CSMD3: variants seen among roughly 807,000 people sequenced by gnomAD.
CSMD3 encodes CUB and Sushi multiple domains 3.
Under a neutral mutation model 435.2 loss-of-function variants are expected in CSMD3, and 177 were observed. The ratio of observed to expected loss-of-function variants is 0.41; its 90% confidence interval spans 0.36 to 0.46. The LOEUF is 0.46. Ranked by LOEUF, CSMD3 falls within the 20% of genes least tolerant of loss-of-function variation. The pLI, the probability that CSMD3 is intolerant of heterozygous loss-of-function variation, is 0.34. For missense variants in CSMD3, 4,265 were observed against 4,504.6 expected (o/e 0.95, Z 1.52); for synonymous variants, 1,656 against 1,520.5 (o/e 1.09, Z -2.07).
rs1461001011 is a variant in CSMD3, at chr8:113,195,822, C to T, written c.515-21906G>A. The stretch of plus-strand genomic sequence containing the variant: ...ATATATATATATATATATACACACA[C>T]ACACACACACACACACACCCCCACA... On this transcript the variant is annotated intron_variant, in intron 3 of 70. Coordinates refer to ENST00000297405, the MANE Select transcript of CSMD3 (RefSeq NM_198123.2). 3.4e-4 allele frequency among the ~76,000 whole-genome samples: 47 copies of T among 140,018 alleles called. 1 individual carries two copies. Among genetic ancestry groups the T allele is most frequent in the African/African-American group, 1.1e-3 (39 of 36,120 alleles). 91.9% of individuals were successfully genotyped at this position (140,018 alleles called of 152,430 possible).
intron 65 of CSMD3, 118 bp from the exon 66 acceptor site, chr8:112,241,903 C>T (rs1814205578): frequency 2.6e-6 from 2 of 775,194 alleles, no homozygotes; most frequent in Non-Finnish European, 4.7e-6. Context: ...TATTCTCTGA[C>T]ATTTCACATA....
At chr8:112,851,034 T>C (rs2080468546) in intron 11 of CSMD3, among the ~76,000 whole-genome samples, 1 of 152,220 alleles carries the variant, frequency 6.6e-6, no homozygotes, top group Admixed American at 6.5e-5. Context: ...CTTGTGTAGT[T>C]ATTACTTTTG....
intron 28 of CSMD3, among the ~76,000 whole-genome samples, chr8:112,509,287 C>T (rs1319974121): frequency 6.6e-6 from 1 of 152,038 alleles, no homozygotes; most frequent in South Asian, 2.1e-4. Context: ...CAGAGTTTTG[C>T]CATGTTGCCC....
At chr8:112,678,686 T>C (rs2075819713) in intron 16 of CSMD3, among the ~76,000 whole-genome samples, 1 of 146,990 alleles carries the variant, frequency 6.8e-6, no homozygotes, top group Non-Finnish European at 1.5e-5. Flanking sequence ...TTCTACCTTC[T>C]AATTTTAATA....
chr8:112,489,003 A>G (rs111961497), intron 31 of CSMD3, among the ~76,000 whole-genome samples: 4 of 152,320 alleles, frequency 2.6e-5, no homozygotes, highest in African/African-American at 9.6e-5. Flanking sequence ...CTTAGTTATC[A>G]TATGCATATC....
Position 112,479,596 on chromosome 8 carries a change from G to A in CSMD3, c.5279-6889C>T, listed in dbSNP as rs537633864. 7.9e-5 allele frequency among the ~76,000 whole-genome samples: 12 copies of A among 152,232 alleles called. No homozygotes were observed. The East Asian group carries it at 2.3e-3, about 30-fold the overall frequency. ...TTGGGAGGCTGCTCCCTGCATCCCA[G>A]CCACTCTGGCTTCAGCCTTGGCTCA... is the stretch of plus-strand genomic sequence containing the variant. On this transcript the variant is annotated intron_variant, in intron 31 of 70. Coordinates refer to ENST00000297405, the MANE Select transcript of CSMD3 (RefSeq NM_198123.2).
intron 45 of CSMD3, among the ~76,000 whole-genome samples, chr8:112,328,946 G>A (rs1208721892): frequency 6.6e-6 from 1 of 152,078 alleles, no homozygotes; most frequent in Non-Finnish European, 1.5e-5. Flanking sequence ...TGTGAGAATG[G>A]ACTAATACAG....
intron 10 of CSMD3, among the ~76,000 whole-genome samples, chr8:112,864,497 C>G (rs1486294952): frequency 6.6e-6 from 1 of 151,996 alleles, no homozygotes; most frequent in African/African-American, 2.4e-5. Flanking sequence ...GTGATCAGCC[C>G]GCCTCAGCCT....
chr8:112,501,280 G>A (rs1821927406), intron 30 of CSMD3, among the ~76,000 whole-genome samples: 2 of 151,514 alleles, frequency 1.3e-5, no homozygotes, highest in Admixed American at 1.3e-4. Flanking sequence ...TAAAACTCGG[G>A]ACCATAGTTA....
chr8:113,307,398 C>T (rs1170048492), intron 2 of CSMD3, among the ~76,000 whole-genome samples: 1 of 152,056 alleles, frequency 6.6e-6, no homozygotes, highest in East Asian at 1.9e-4. Flanking sequence ...CAAGAAGAAT[C>T]ACAGATCTAA....
intron 4 of CSMD3, among the ~76,000 whole-genome samples, chr8:113,167,299 T>G (rs2092171161): frequency 1.3e-5 from 2 of 152,308 alleles, no homozygotes; most frequent in African/African-American, 4.8e-5. Context: ...TTTGAGCACC[T>G]TCTATGTGTT....
At chr8:112,996,274 C>T (rs2085649826) in intron 6 of CSMD3, among the ~76,000 whole-genome samples, 1 of 151,564 alleles carries the variant, frequency 6.6e-6, no homozygotes, top group Admixed American at 6.6e-5. Context: ...ACCCTAGCCC[C>T]TGGTAACCAC....
At chr8:112,819,123 C>T (rs1214047776) in intron 12 of CSMD3, among the ~76,000 whole-genome samples, 1 of 152,146 alleles carries the variant, frequency 6.6e-6, no homozygotes, top group Admixed American at 6.6e-5. Flanking sequence ...ACACACACCT[C>T]ACCTGTGCAT....
At chr8:112,783,806 T>C (rs1267869177) in intron 13 of CSMD3, among the ~76,000 whole-genome samples, 2 of 149,074 alleles carry the variant, frequency 1.3e-5, no homozygotes, top group African/African-American at 2.5e-5. Flanking sequence ...TTATATCAGA[T>C]AAAATAGATT....
chr8:112,846,315 C>T (rs1435736141), intron 11 of CSMD3, among the ~76,000 whole-genome samples: 3 of 145,690 alleles, frequency 2.1e-5, no homozygotes, highest in Non-Finnish European at 4.5e-5. Context: ...TCCTTCCTTC[C>T]TTCCTTTCCT....
chr8:112,630,811 G>T (rs979757133), intron 22 of CSMD3, among the ~76,000 whole-genome samples: 1 of 152,032 alleles, frequency 6.6e-6, no homozygotes, highest in African/African-American at 2.4e-5. Context: ...TTCTGTCTTA[G>T]CAGTGTAAAG....
chr8:113,117,322 G>A (rs1282633011), intron 4 of CSMD3, among the ~76,000 whole-genome samples: 1 of 152,188 alleles, frequency 6.6e-6, no homozygotes, highest in Admixed American at 6.5e-5. Context: ...CAGCAGGTGT[G>A]AGCACCAACC....
At chr8:112,728,762 C>T (rs2077017496) in intron 13 of CSMD3, among the ~76,000 whole-genome samples, 1 of 151,996 alleles carries the variant, frequency 6.6e-6, no homozygotes, top group African/African-American at 2.4e-5. Context: ...ATTTGCATGC[C>T]ATTTCTCCTA....
chr8:112,868,495 CAT>C (rs571482582), intron 10 of CSMD3, among the ~76,000 whole-genome samples: 2 of 152,122 alleles, frequency 1.3e-5, no homozygotes, highest in African/African-American at 2.4e-5. Flanking sequence ...ACCAAAAACA[CAT>C]GAGTAACATG....
Sources: gnomAD v4.1 joint callset for allele counts (sites outside exome capture counted in the v4.1 genomes callset) on GRCh38, gnomAD v4.1.1 for gene constraint, MANE v1.5 for transcripts, NCBI Gene and HGNC (gene_info 2026-07-23, HGNC 2026-07-21) for gene names.